Variants in PDE1C observed in about 807,000 individuals in gnomAD.
The protein encoded by PDE1C is phosphodiesterase 1C.
Under a neutral mutation model 93.1 loss-of-function variants are expected in PDE1C, and 62 were observed. The ratio of observed to expected loss-of-function variants is 0.67; its 90% CI spans 0.54 to 0.82. PDE1C has a LOEUF of 0.82. Among genes scored for constraint, PDE1C ranks in the 40% least tolerant of loss-of-function variants. PDE1C has a pLI of 0.00. For synonymous variants in PDE1C, 325 were observed against 310.1 expected (o/e 1.05, Z -0.50); for missense variants, 742 against 884.6 (o/e 0.84, Z 2.04).
At chr7:31,801,869 C>T (rs542965890) in intron 16 of PDE1C, among the ~76,000 whole-genome samples, 5 of 151,082 alleles carry the variant, frequency 3.3e-5, no homozygotes, top group Non-Finnish European at 7.4e-5. Flanking sequence ...TGTTTGTGTC[C>T]TTTTTTGATT....
At chr7:31,981,849 T>G (rs1392466227) in intron 2 of PDE1C, among the ~76,000 whole-genome samples, 1 of 152,218 alleles carries the variant, frequency 6.6e-6, no homozygotes, top group Non-Finnish European at 1.5e-5. Context: ...AAGTTAAATA[T>G]GAGAAAGAAA....
intron 2 of PDE1C, among the ~76,000 whole-genome samples, chr7:31,958,015 A>G (rs2129026413): frequency 6.6e-6 from 1 of 152,318 alleles, no homozygotes; most frequent in Non-Finnish European, 1.5e-5. Context: ...ACTCGCTAGG[A>G]GTTCTAAACC....
intron 1 of PDE1C, among the ~76,000 whole-genome samples, chr7:32,059,166 C>T (rs1207978144): frequency 6.6e-6 from 1 of 152,066 alleles, no homozygotes; most frequent in African/African-American, 2.4e-5. Flanking sequence ...TAGAGGACTC[C>T]AGTATGTTTA....
intron 2 of PDE1C, among the ~76,000 whole-genome samples, chr7:31,911,807 G>T (rs1400206637): frequency 2.6e-5 from 4 of 152,176 alleles, no homozygotes; most frequent in African/African-American, 9.7e-5. Context: ...TAGAAAATCT[G>T]TGCAAATACC....
chr7:31,790,173 A>G, intron 16 of PDE1C: 1 of 1,603,110 alleles, frequency 6.2e-7, no homozygotes, highest in Non-Finnish European at 8.5e-7. Flanking sequence ...GAAGGAGAAG[A>G]AGGAGAATGA....
the PDE1C span, among the ~76,000 whole-genome samples, chr7:31,638,611 C>A: frequency 6.6e-6 from 1 of 152,126 alleles, no homozygotes. Context: ...CCTTTCAATA[C>A]CCTAAAGATG....
chr7:32,339,592 G>C (rs942238029), intron 1 of PDE1C, among the ~76,000 whole-genome samples: 2 of 152,138 alleles, frequency 1.3e-5, no homozygotes, highest in Non-Finnish European at 1.5e-5. Context: ...AATAAGATGA[G>C]GACGGAACTC....
At chr7:32,168,087 T>C (rs1010479599) in intron 3 of PDE1C, among the ~76,000 whole-genome samples, 1 of 151,946 alleles carries the variant, frequency 6.6e-6, no homozygotes, top group Non-Finnish European at 1.5e-5. Context: ...GTATTAAGGG[T>C]ACCAATAAAT....
At chr7:31,719,613 C>T in the PDE1C span, among the ~76,000 whole-genome samples, 1 of 152,162 alleles carries the variant, frequency 6.6e-6, no homozygotes, top group East Asian at 1.9e-4. Context: ...TCTCCCCAGC[C>T]ACACGATTCT....
intron 3 of PDE1C, among the ~76,000 whole-genome samples, 171 bp downstream of exon 3, chr7:31,880,576 A>G (rs1415982932): frequency 6.6e-6 from 1 of 152,198 alleles, no homozygotes; most frequent in Non-Finnish European, 1.5e-5. Context: ...GAGGCGGTAC[A>G]GAGAGTAAGT....
intron 3 of PDE1C, among the ~76,000 whole-genome samples, chr7:32,125,519 C>T (rs540584119): frequency 2.0e-5 from 3 of 152,242 alleles, no homozygotes; most frequent in African/African-American, 7.2e-5. Flanking sequence ...ATATATACAT[C>T]GTGGAATACT....
At chr7:32,314,031 C>G (rs1193831409) in intron 1 of PDE1C, among the ~76,000 whole-genome samples, 2 of 151,336 alleles carry the variant, frequency 1.3e-5, no homozygotes, top group African/African-American at 2.4e-5. Context: ...TACTACTAAG[C>G]CAATAAAAGT....
upstream of PDE1C, chr7:32,070,700 G>C: frequency 1.6e-6 from 2 of 1,236,094 alleles, no homozygotes; most frequent in Non-Finnish European, 1.0e-6. Context: ...AGCTCCAAGA[G>C]AAAGCACCTC....
At chr7:32,375,892 C>T (rs1425112602) in intron 1 of PDE1C, among the ~76,000 whole-genome samples, 1 of 152,204 alleles carries the variant, frequency 6.6e-6, no homozygotes, top group Non-Finnish European at 1.5e-5. Flanking sequence ...TGCAGTGGCT[C>T]AACCTGTAAT....
chr7:31,616,785 T>G, the PDE1C span, among the ~76,000 whole-genome samples: 2 of 146,390 alleles, frequency 1.4e-5, no homozygotes, highest in African/African-American at 5.3e-5. Context: ...AAAAGGTTTC[T>G]AAATTTCATT....
the PDE1C span, among the ~76,000 whole-genome samples, chr7:31,640,819 A>G: frequency 6.6e-6 from 1 of 152,178 alleles, no homozygotes; most frequent in Non-Finnish European, 1.5e-5. Flanking sequence ...TGGCTAGGTC[A>G]AAAATATGCA....
rs565546422 is a variant in PDE1C, at chr7:31,815,229, T to C, written c.1813+695A>G. Among the ~76,000 whole-genome samples, 140 of 152,304 alleles carry C rather than the reference T, an allele frequency of 9.2e-4. 2 individuals are homozygous for C. The highest frequency in any genetic ancestry group is 3.2e-3 in the African/African-American group (132 of 41,572). On this transcript the variant is annotated intron_variant, in intron 15 of 17. Coordinates refer to ENST00000396191, the MANE Select transcript of PDE1C (RefSeq NM_001191057.4). Reference sequence around the variant, plus strand: ...CACTTGCACATTTCACTAGAAATATTTGGAGGATGTCTCTATCACCTTTGA... The same window carrying C: ...CACTTGCACATTTCACTAGAAATATCTGGAGGATGTCTCTATCACCTTTGA...
At chr7:31,712,976 G>A in the PDE1C span, among the ~76,000 whole-genome samples, 29 of 152,268 alleles carry the variant, frequency 1.9e-4, no homozygotes, top group African/African-American at 7.0e-4. Context: ...GGGGGACACA[G>A]CCAAACCATA....
chr7:31,836,570 T>G (rs1289225894), intron 11 of PDE1C, among the ~76,000 whole-genome samples: 2 of 152,094 alleles, frequency 1.3e-5, no homozygotes, highest in African/African-American at 4.8e-5. Flanking sequence ...CCTGACCTCA[T>G]GATCCACCCG....
Sources: allele counts gnomAD v4.1 joint callset (sites outside exome capture counted in the v4.1 genomes callset), GRCh38; gene constraint gnomAD v4.1.1; transcripts MANE v1.5; gene names NCBI Gene and HGNC (gene_info 2026-07-23, HGNC 2026-07-21).